The following HPSE2 variants were observed in gnomAD, a reference collection of about 807,000 sequenced individuals.
The protein encoded by HPSE2 is heparanase 2 (inactive).
In HPSE2, 38 loss-of-function variants were observed where a neutral mutation model predicts 60.5. That is an observed-to-expected ratio of 0.63 (90% confidence interval 0.48 to 0.82). The LOEUF (loss-of-function observed/expected upper bound fraction) is 0.82. Ranked by LOEUF, HPSE2 falls within the 40% of genes least tolerant of loss-of-function variation. The probability of loss-of-function intolerance (pLI) is 0.00; values close to 1 mark genes in which losing one functional copy is unlikely to be tolerated. For missense variants in HPSE2, 713 were observed against 740.4 expected, an observed-to-expected ratio of 0.96 and a Z score of 0.43; for synonymous variants, 295 against 293.2, an observed-to-expected ratio of 1.01 and a Z score of -0.06.
chr10:99,264,853 T>G, the HPSE2 span, among the ~76,000 whole-genome samples: 2 of 152,084 alleles, frequency 1.3e-5, no homozygotes, highest in Non-Finnish European at 2.9e-5. Context: ...TCTCTCCCAC[T>G]GTAGGTTCCC....
At chr10:98,524,445 C>A (rs1942899122) in intron 9 of HPSE2, among the ~76,000 whole-genome samples, 1 of 49,362 alleles carries the variant, frequency 2.0e-5, no homozygotes, top group African/African-American at 3.3e-5. Context: ...CACCCCAGAA[C>A]TTTTTTTGAA....
chr10:98,867,886 C>T (rs571901697), intron 3 of HPSE2, among the ~76,000 whole-genome samples: 1 of 152,034 alleles, frequency 6.6e-6, no homozygotes, highest in South Asian at 2.1e-4. Context: ...ATGGCGAAAC[C>T]CTGTCTCTAC....
chr10:98,565,894 G>A (rs1271181192), intron 9 of HPSE2, among the ~76,000 whole-genome samples: 1 of 151,820 alleles, frequency 6.6e-6, no homozygotes, highest in Admixed American at 6.6e-5. Flanking sequence ...TGAATAAATG[G>A]GTCACCAAGA....
At chr10:98,909,091 G>A (rs1360835505) in intron 3 of HPSE2, among the ~76,000 whole-genome samples, 1 of 152,146 alleles carries the variant, frequency 6.6e-6, no homozygotes, top group African/African-American at 2.4e-5. Flanking sequence ...CAACAAAATG[G>A]TGGAGCCACA....
At chr10:99,081,042 C>T (rs1843117502) in intron 3 of HPSE2, among the ~76,000 whole-genome samples, 1 of 152,228 alleles carries the variant, frequency 6.6e-6, no homozygotes, top group Non-Finnish European at 1.5e-5. Flanking sequence ...GATCCACCCA[C>T]CTCGGCCTCC....
At chr10:99,237,340 A>G (rs910153647), upstream of HPSE2, among the ~76,000 whole-genome samples, 2 of 152,186 alleles carry the variant, frequency 1.3e-5, no homozygotes, top group African/African-American at 4.8e-5. Context: ...TTTTCCCCAG[A>G]AGTGGATGGA....
intron 6 of HPSE2, among the ~76,000 whole-genome samples, chr10:98,646,917 CAT>C (rs980154361): frequency 1.1e-4 from 17 of 152,344 alleles, no homozygotes; most frequent in African/African-American, 4.1e-4. Flanking sequence ...CATTTTGCTG[CAT>C]ACTCTTCCAG....
intron 5 of HPSE2, among the ~76,000 whole-genome samples, chr10:98,719,008 T>C (rs1948856834): frequency 6.6e-6 from 1 of 152,200 alleles, no homozygotes; most frequent in Admixed American, 6.5e-5. Context: ...ACGATTTTTA[T>C]GTATCAATAA....
intron 3 of HPSE2, among the ~76,000 whole-genome samples, chr10:98,851,026 G>A (rs531572468): frequency 7.8e-4 from 119 of 152,314 alleles, no homozygotes; most frequent in Non-Finnish European, 1.4e-3. Context: ...ATGTCAAACC[G>A]AGTTGGCAAT....
rs559260273 is a variant in HPSE2 at position 98,646,334 on chromosome 10, T to A, written c.1005-4394A>T. ...TTTTTTCTTTTTTCTTTTTTTTTTTTTAAAAAAACCCTGGCTGAATGGTCT... is the reference window on the plus strand; with the variant it reads ...TTTTTTCTTTTTTCTTTTTTTTTTTATAAAAAAACCCTGGCTGAATGGTCT... On this transcript the variant is annotated intron_variant, in intron 6 of 11. Coordinates refer to ENST00000370552, the MANE Select transcript of HPSE2 (RefSeq NM_021828.5). Among the ~76,000 whole-genome samples the A allele has an allele frequency of 1.4e-3, 211 of 148,952 alleles. 2 individuals carry two copies. The highest frequency in any genetic ancestry group is 4.9e-3 in the African/African-American group (201 of 40,802).
At chr10:99,134,158 C>T (rs928844433) in intron 3 of HPSE2, among the ~76,000 whole-genome samples, 9 of 151,660 alleles carry the variant, frequency 5.9e-5, no homozygotes, top group African/African-American at 1.9e-4. Flanking sequence ...ATAGAGAAGA[C>T]AAGATTAGAG....
At chr10:98,569,687 G>T (rs1944442497) in intron 9 of HPSE2, among the ~76,000 whole-genome samples, 1 of 152,114 alleles carries the variant, frequency 6.6e-6, no homozygotes, top group South Asian at 2.1e-4. Flanking sequence ...TCAAATCTGT[G>T]CTAAGTTATT....
chr10:98,561,414 T>A (rs1944178356), intron 9 of HPSE2, among the ~76,000 whole-genome samples: 1 of 152,124 alleles, frequency 6.6e-6, no homozygotes, highest in African/African-American at 2.4e-5. Context: ...AGAACAATCT[T>A]AAAGACTAAG....
chr10:98,630,503 GT>G (rs1188646698), intron 7 of HPSE2, among the ~76,000 whole-genome samples: 2 of 151,746 alleles, frequency 1.3e-5, no homozygotes, highest in Non-Finnish European at 2.9e-5. Flanking sequence ...GGCCGTAATA[GT>G]TTTTTTACCG....
At chr10:98,475,504 G>C (rs1012584817) in intron 11 of HPSE2, among the ~76,000 whole-genome samples, 1 of 152,106 alleles carries the variant, frequency 6.6e-6, no homozygotes, top group Admixed American at 6.6e-5. Flanking sequence ...CACAAAGTAG[G>C]ATCAATAGAA....
intron 7 of HPSE2, among the ~76,000 whole-genome samples, chr10:98,638,137 C>CA (rs34364786): frequency 0.028 from 408 of 14,670 alleles, 83 homozygotes; most frequent in African/African-American, 0.056. Context: ...AGACCCATCT[C>CA]AAAAAAAAAA....
At chr10:98,711,124 G>T (rs1432172889) in intron 5 of HPSE2, among the ~76,000 whole-genome samples, 1 of 152,056 alleles carries the variant, frequency 6.6e-6, no homozygotes, top group Non-Finnish European at 1.5e-5. Context: ...GAAGGCTCTG[G>T]CTGGAGCTGG....
Position 99,126,706 on chromosome 10 carries a change from C to A in HPSE2, c.610+17532G>T, listed in dbSNP as rs1845176672. 6.6e-6 allele frequency among the ~76,000 whole-genome samples: 1 copy of A among 152,194 alleles called. No individual in the cohort carries two copies. The highest frequency in any genetic ancestry group is 1.5e-5 in the Non-Finnish European group (1 of 68,040). On this transcript the variant is annotated intron_variant, in intron 3 of 11. Transcript: ENST00000370552. The surrounding 1 kb of genome is among the most constrained non-coding windows in gnomAD (Gnocchi z 4.0). ...TCCATCATTCAAGAAAGCCAGCACA[C>A]TAAACATAGCTACAACTAAGGACCC...
chr10:98,898,131 C>A (rs1364656906), intron 3 of HPSE2, among the ~76,000 whole-genome samples: 1 of 152,008 alleles, frequency 6.6e-6, no homozygotes, highest in Admixed American at 6.6e-5. Flanking sequence ...TATTGCAAAT[C>A]AAATAAAAAT....
Sources: allele counts gnomAD v4.1 joint callset (sites outside exome capture counted in the v4.1 genomes callset), GRCh38; gene constraint gnomAD v4.1.1; non-coding constraint Gnocchi (gnomAD v3.1); transcripts MANE v1.5; gene names NCBI Gene and HGNC (gene_info 2026-07-23, HGNC 2026-07-21).